The following PAK1 variants were observed in gnomAD, a reference collection of about 807,000 sequenced individuals.
The protein encoded by PAK1 is serine/threonine-protein kinase PAK 1.
PAK1 carries 29 observed loss-of-function variants against 67.4 expected under a neutral mutation model. That is an observed-to-expected ratio of 0.43 (90% CI 0.32 to 0.59). PAK1 has a LOEUF of 0.59. PAK1 is among the 20% of genes least tolerant of loss of function. PAK1 has a pLI of 0.07. For missense variants in PAK1, 337 were observed against 670.7 expected (o/e 0.50, Z 5.50); for synonymous variants, 223 against 237.4 (o/e 0.94, Z 0.56).
chr11:77,372,292 A>G (rs1467020067), intron 5 of PAK1, among the ~76,000 whole-genome samples: 2 of 152,168 alleles, frequency 1.3e-5, no homozygotes, highest in Admixed American at 1.3e-4. Context: ...CATCTCTTCT[A>G]TTTGATGAAA....
chr11:77,358,869 C>A (rs536673636), intron 6 of PAK1, 29 bp downstream of exon 6: 2 of 1,612,380 alleles, frequency 1.2e-6, no homozygotes, highest in South Asian at 2.2e-5. Context: ...TAATAAATCA[C>A]AAAACTGGCC....
the PAK1 span, among the ~76,000 whole-genome samples, chr11:77,518,178 T>G: frequency 2.6e-5 from 4 of 152,252 alleles, no homozygotes; most frequent in Non-Finnish European, 5.9e-5. Context: ...CAAGGTATTT[T>G]TCTTCTTGTT....
intron 1 of PAK1, among the ~76,000 whole-genome samples, chr11:77,457,075 TA>T (rs1402553558): frequency 1.3e-5 from 2 of 152,098 alleles, no homozygotes; most frequent in Non-Finnish European, 2.9e-5. Context: ...ATTTCACGTA[TA>T]AGGAAACCAA....
rs1355974689 is a variant in PAK1, at chr11:77,340,908, G to A, written c.999-145C>T. 5 of 642,646 alleles carry A rather than the reference G, an allele frequency of 7.8e-6. No homozygotes were observed. In the Admixed American group the frequency reaches 1.2e-4, roughly 15 times the overall value. The allele number at this position is 642,646 out of a possible 1,614,324, so 39.8% of individuals were successfully genotyped here. A position where few individuals can be genotyped will look rare whatever the true frequency, so the allele number is the denominator to read the frequency against. ...AAAAGGTTCTTTACTTTGGGGAAAA[G>A]CAGAATCTGGGGAACAGAATCACTA... On this transcript the variant is annotated intron_variant, in intron 10 of 14. Transcript: ENST00000356341.
At chr11:77,477,649 A>G (rs1469082822), upstream of PAK1, among the ~76,000 whole-genome samples, 1 of 151,664 alleles carries the variant, frequency 6.6e-6, no homozygotes, top group Non-Finnish European at 1.5e-5. Context: ...GCTACCCAGG[A>G]GGCTAAGGTG....
chr11:77,330,001 G>C (rs1941077839), intron 14 of PAK1, among the ~76,000 whole-genome samples: 1 of 151,894 alleles, frequency 6.6e-6, no homozygotes, highest in Non-Finnish European at 1.5e-5. Context: ...CAGACAAACA[G>C]AGAGCCAAAT....
intron 11 of PAK1, among the ~76,000 whole-genome samples, chr11:77,339,490 CAA>C (rs11331656): frequency 6.7e-6 from 1 of 148,880 alleles, no homozygotes; most frequent in Non-Finnish European, 1.5e-5. Flanking sequence ...AGTAGTGGAA[CAA>C]AAAAAAAAGT....
rs1949540267 is a variant in PAK1 at position 77,379,514 on chromosome 11, A to C, written c.292-126T>G. 1.2e-5 allele frequency: 10 copies of C among 806,166 alleles called. 1 individual carries two copies. The South Asian group carries it at 1.6e-4, about 13-fold the overall frequency. 49.9% of individuals were successfully genotyped at this position (806,166 alleles called of 1,614,324 possible). A position where few individuals can be genotyped will look rare whatever the true frequency, so the allele number is the denominator to read the frequency against. On this transcript the variant is annotated intron_variant, in intron 3 of 14. Coordinates refer to ENST00000356341, the MANE Select transcript of PAK1 (RefSeq NM_002576.5). ...ATTTATTAGTCATTCCTTTCTCTCT[A>C]TACTCTCAGAGTTTACACAAGCCTC...
chr11:77,465,706 G>GT (rs1957564411), intron 1 of PAK1, among the ~76,000 whole-genome samples: 1 of 152,156 alleles, frequency 6.6e-6, no homozygotes, highest in Admixed American at 6.5e-5. Context: ...GCTCATGCCT[G>GT]TAATTCCAGC....
chr11:77,333,763 G>A (rs578234954), intron 13 of PAK1, among the ~76,000 whole-genome samples: 1 of 152,194 alleles, frequency 6.6e-6, no homozygotes, highest in East Asian at 1.9e-4. Context: ...AATTCAAAGA[G>A]TACTTACATA....
intron 5 of PAK1, among the ~76,000 whole-genome samples, chr11:77,362,801 A>C (rs1672276997): frequency 6.6e-6 from 1 of 152,216 alleles, no homozygotes; most frequent in Admixed American, 6.5e-5. Flanking sequence ...TATAAACTGG[A>C]ATGAAATATC....
chr11:77,494,066 C>A, the PAK1 span, among the ~76,000 whole-genome samples: 1 of 152,056 alleles, frequency 6.6e-6, no homozygotes, highest in African/African-American at 2.4e-5. Flanking sequence ...ACTTTGACAG[C>A]AATTAATAAT....
the PAK1 span, among the ~76,000 whole-genome samples, chr11:77,514,364 G>A: frequency 8.6e-5 from 13 of 151,920 alleles, no homozygotes; most frequent in African/African-American, 2.4e-4. Context: ...GTGTAGTGGC[G>A]GACACCTGTA....
intron 2 of PAK1, among the ~76,000 whole-genome samples, chr11:77,388,034 T>C (rs1012036314): frequency 6.6e-6 from 1 of 152,248 alleles, no homozygotes; most frequent in African/African-American, 2.4e-5. Flanking sequence ...GAAACCTATG[T>C]GCCCAGGGCA....
At chr11:77,351,971 A>G (rs1945318106) in intron 8 of PAK1, among the ~76,000 whole-genome samples, 1 of 152,042 alleles carries the variant, frequency 6.6e-6, no homozygotes, top group Non-Finnish European at 1.5e-5. Flanking sequence ...TGTGTTCACT[A>G]CCAAGATCAC....
At chr11:77,519,643 T>G in the PAK1 span, among the ~76,000 whole-genome samples, 3 of 152,236 alleles carry the variant, frequency 2.0e-5, no homozygotes, top group Non-Finnish European at 4.4e-5. Context: ...TTTTTCCTAA[T>G]TCTATCATTC....
At chr11:77,397,419 G>A (rs938003466) in intron 1 of PAK1, among the ~76,000 whole-genome samples, 4 of 152,256 alleles carry the variant, frequency 2.6e-5, no homozygotes, top group Middle Eastern at 3.4e-3. Flanking sequence ...ATAAGCCATC[G>A]CCCCTGTAGA....
chr11:77,401,653 T>G (rs879827127), intron 1 of PAK1, among the ~76,000 whole-genome samples: 2 of 152,186 alleles, frequency 1.3e-5, no homozygotes, highest in Non-Finnish European at 2.9e-5. Flanking sequence ...TATGCTGTTT[T>G]CTCTGCCTAA....
chr11:77,337,535 G>C, intron 11 of PAK1, 112 bp from the exon 12 acceptor site: 1 of 517,162 alleles, frequency 1.9e-6, no homozygotes, highest in Non-Finnish European at 3.4e-6. Context: ...AGGAAGTAAG[G>C]CCCCAGTGAG....
Sources: gnomAD v4.1 joint callset for allele counts (sites outside exome capture counted in the v4.1 genomes callset) on GRCh38, gnomAD v4.1.1 for gene constraint, MANE v1.5 for transcripts, NCBI Gene and HGNC (gene_info 2026-07-23, HGNC 2026-07-21) for gene names.